The following MNAT1 variants were observed in gnomAD, a reference collection of about 807,000 sequenced individuals.
MNAT1 encodes the protein CDK-activating kinase assembly factor MAT1.
A neutral mutation model predicts 42.0 loss-of-function variants in MNAT1; 43 were observed. That is an observed-to-expected ratio of 1.02 (90% CI 0.80 to 1.32). The LOEUF is 1.32. Ranked by LOEUF, MNAT1 falls within the 40% of genes most tolerant of loss-of-function variation. The pLI, the probability that MNAT1 is intolerant of heterozygous loss-of-function variation, is 0.00. For missense variants in MNAT1, 306 were observed against 350.4 expected, an observed-to-expected ratio of 0.87 and a Z score of 1.01; for synonymous variants, 118 against 120.0, an observed-to-expected ratio of 0.98 and a Z score of 0.11.
chr14:60,771,427 G>T (rs563821031), intron 1 of MNAT1, among the ~76,000 whole-genome samples: 12 of 152,046 alleles, frequency 7.9e-5, no homozygotes, highest in Non-Finnish European at 1.8e-4. Flanking sequence ...TATGGTAGTG[G>T]CTCATACATT....
Position 60,758,217 on chromosome 14 carries a change from T to C in MNAT1, c.89+23266T>C, listed in dbSNP as rs75188240. Among the ~76,000 whole-genome samples the C allele has an allele frequency of 5.0e-3, 767 of 152,094 alleles. 14 individuals carry two copies. Among genetic ancestry groups the C allele is most frequent in the African/African-American group, 0.017 (720 of 41,462 alleles). Reference sequence around the variant, plus strand: ...TCTCTACTTGGACTTTTTTTTTTTTTTCTTTTTGAGGTAGGGTTTTGCTTT... The same window carrying C: ...TCTCTACTTGGACTTTTTTTTTTTTCTCTTTTTGAGGTAGGGTTTTGCTTT... On this transcript the variant is annotated intron_variant, in intron 1 of 7. Coordinates refer to ENST00000261245, the MANE Select transcript of MNAT1 (RefSeq NM_002431.4).
intron 1 of MNAT1, among the ~76,000 whole-genome samples, chr14:60,752,766 T>TATC (rs1289836311): frequency 6.6e-6 from 1 of 152,198 alleles, no homozygotes; most frequent in Non-Finnish European, 1.5e-5. Flanking sequence ...TTGTACTACT[T>TATC]ATTATTATTA....
chr14:60,753,790 G>A (rs568667374), intron 1 of MNAT1: 2 of 152,244 alleles, frequency 1.3e-5, no homozygotes, highest in East Asian at 3.9e-4. Context: ...AATCCAAGAG[G>A]GCTCCCAGTG....
chr14:60,745,646 G>A (rs1896590325), intron 1 of MNAT1, among the ~76,000 whole-genome samples: 1 of 152,028 alleles, frequency 6.6e-6, no homozygotes, highest in Non-Finnish European at 1.5e-5. Context: ...TGAACTCCTG[G>A]ACTCAAGAGA....
chr14:60,804,430 T>G (rs1174460332), intron 3 of MNAT1, among the ~76,000 whole-genome samples: 3 of 152,238 alleles, frequency 2.0e-5, no homozygotes. Flanking sequence ...TGATTTGCAT[T>G]TATTATTGCT....
At chr14:60,799,412 A>G (rs771629409) in intron 3 of MNAT1, 122 of 984,850 alleles carry the variant, frequency 1.2e-4, no homozygotes, top group Admixed American at 2.5e-4. Flanking sequence ...ATCTGGCTCT[A>G]TATAGATACT....
intron 6 of MNAT1, among the ~76,000 whole-genome samples, chr14:60,857,395 AC>A (rs1176049385): frequency 2.0e-5 from 3 of 152,188 alleles, no homozygotes; most frequent in African/African-American, 7.2e-5. Context: ...TGATGGTGTA[AC>A]TGAATTGCTG....
rs559671092 is a variant in MNAT1 at position 60,869,084 on chromosome 14, G to A, written c.688-10630G>A. Among the ~76,000 whole-genome samples the A allele has an allele frequency of 4.3e-5, 6 of 140,968 alleles. No homozygotes were observed. The East Asian group carries it at 1.2e-3, about 29-fold the overall frequency. The allele number at this position is 140,968 out of a possible 152,430, so 92.5% of individuals were successfully genotyped here. On this transcript the variant is annotated intron_variant, in intron 6 of 7. Transcript: ENST00000261245. ...AGACGGAGTCTCGCTCTGTTGCCAG[G>A]CTGGAGTGCAGTGGCATGATCTCGG...
chr14:60,778,486 T>C (rs951064753), intron 1 of MNAT1, among the ~76,000 whole-genome samples: 6 of 152,190 alleles, frequency 3.9e-5, no homozygotes, highest in African/African-American at 1.2e-4. Context: ...GCATTTCTTC[T>C]AGTTTGGGAT....
At chr14:60,893,892 C>T (rs1298601214) in intron 7 of MNAT1, among the ~76,000 whole-genome samples, 3 of 152,266 alleles carry the variant, frequency 2.0e-5, no homozygotes, top group Admixed American at 6.5e-5. Flanking sequence ...CCTTTTCCAA[C>T]GTTAGTCATA....
At chr14:60,863,973 A>C (rs2034152405) in intron 6 of MNAT1, among the ~76,000 whole-genome samples, 1 of 152,086 alleles carries the variant, frequency 6.6e-6, no homozygotes, top group Non-Finnish European at 1.5e-5. Context: ...AAGGATATGC[A>C]GTTTAACATT....
intron 7 of MNAT1, among the ~76,000 whole-genome samples, chr14:60,917,938 C>A (rs952631204): frequency 6.6e-6 from 1 of 151,974 alleles, no homozygotes; most frequent in Non-Finnish European, 1.5e-5. Flanking sequence ...GAGCTTGTTA[C>A]TTCTTCTGGT....
At chr14:60,909,796 T>C (rs556023285) in intron 7 of MNAT1, among the ~76,000 whole-genome samples, 26 of 152,288 alleles carry the variant, frequency 1.7e-4, no homozygotes, top group African/African-American at 5.1e-4. Context: ...AGGATTGACT[T>C]GGCGATGCGG....
intron 7 of MNAT1, among the ~76,000 whole-genome samples, chr14:60,949,639 A>T (rs781738221): frequency 1.3e-4 from 20 of 152,186 alleles, no homozygotes; most frequent in African/African-American, 3.9e-4. Context: ...ATAAGAGGAA[A>T]ATATTTTCTT....
At chr14:60,957,240 C>A (rs895632951) in intron 7 of MNAT1, among the ~76,000 whole-genome samples, 1 of 152,108 alleles carries the variant, frequency 6.6e-6, no homozygotes, top group African/African-American at 2.4e-5. Context: ...CAAAAACATA[C>A]AAAAACTTAC....
chr14:60,929,096 G>A lies in MNAT1; in HGVS notation c.810-39133G>A, dbSNP rs1270665821. Among the ~76,000 whole-genome samples the A allele has an allele frequency of 3.5e-5, 5 of 143,860 alleles. No individual in the cohort carries two copies. The South Asian group carries it at 6.6e-4, about 19-fold the overall frequency. 94.4% of individuals were successfully genotyped at this position (143,860 alleles called of 152,430 possible). ...TGGGAGGCAGAGGTTGCAGTGAGGC[G>A]AGATCATGCCACTGCACTCCAGCCT... On this transcript the variant is annotated intron_variant, in intron 7 of 7. Coordinates refer to ENST00000261245, the MANE Select transcript of MNAT1 (RefSeq NM_002431.4).
intron 7 of MNAT1, among the ~76,000 whole-genome samples, chr14:60,880,568 G>C (rs2034529198): frequency 6.6e-6 from 1 of 152,054 alleles, no homozygotes; most frequent in Non-Finnish European, 1.5e-5. Flanking sequence ...TGAAAAAAAA[G>C]TGGGTAAATC....
chr14:60,817,352 C>T (rs897818176), intron 5 of MNAT1, among the ~76,000 whole-genome samples: 1 of 151,770 alleles, frequency 6.6e-6, no homozygotes, highest in Non-Finnish European at 1.5e-5. Flanking sequence ...ATATTCTCCT[C>T]GTACTATATT....
chr14:60,826,121 C>CCTA (rs2033045933), intron 6 of MNAT1, among the ~76,000 whole-genome samples: 1 of 151,978 alleles, frequency 6.6e-6, no homozygotes, highest in African/African-American at 2.4e-5. Flanking sequence ...AGTCAGTGAA[C>CCTA]ATATTTTGAT....
Sources: gnomAD v4.1 joint callset for allele counts (sites outside exome capture counted in the v4.1 genomes callset) on GRCh38, gnomAD v4.1.1 for gene constraint, MANE v1.5 for transcripts, NCBI Gene and HGNC (gene_info 2026-07-23, HGNC 2026-07-21) for gene names.